The following MAST2 variants were observed in gnomAD, a reference collection of about 807,000 sequenced individuals.
MAST2 encodes microtubule-associated serine/threonine-protein kinase 2.
Under a neutral mutation model 147.4 loss-of-function variants are expected in MAST2, and 70 were observed. The observed-to-expected ratio is 0.47, with a 90% confidence interval of 0.39 to 0.58. The LOEUF (loss-of-function observed/expected upper bound fraction) is 0.58. MAST2 is among the 20% of genes least tolerant of loss of function. MAST2 has a pLI of 0.00. For synonymous variants in MAST2, 869 were observed against 896.8 expected, an observed-to-expected ratio of 0.97 and a Z score of 0.55; for missense variants, 2,080 against 2,302.3, an observed-to-expected ratio of 0.90 and a Z score of 1.98.
At chr1:45,960,118 G>A (rs1660205953) in intron 5 of MAST2, among the ~76,000 whole-genome samples, 3 of 152,126 alleles carry the variant, frequency 2.0e-5, no homozygotes, top group Admixed American at 6.6e-5. Flanking sequence ...TGGAATTAAA[G>A]CAAATGACCT....
intron 5 of MAST2, among the ~76,000 whole-genome samples, chr1:45,994,081 A>G (rs566740619): frequency 5.9e-5 from 9 of 152,252 alleles, no homozygotes; most frequent in African/African-American, 2.2e-4. Flanking sequence ...ACATGGATGT[A>G]TAACAATACA....
At position 45,886,907 on chromosome 1, in the gene MAST2, G is replaced by A. The variant is rs181774713; in HGVS notation, c.500+4512G>A. Among the ~76,000 whole-genome samples, 5 of 152,234 alleles carry A rather than the reference G, an allele frequency of 3.3e-5. No homozygotes were observed. In the East Asian group the frequency reaches 9.7e-4, roughly 29 times the overall value. On this transcript the variant is annotated intron_variant, in intron 4 of 28. Transcript: ENST00000361297. ...AGTGGCGCAGTCTCAGCTCACTGCA[G>A]CCTGGTCCTCCCTGGCCTCAGGAGA... is the stretch of plus-strand genomic sequence containing the variant.
chr1:45,913,798 A>G, intron 4 of MAST2: 2 of 1,159,664 alleles, frequency 1.7e-6, no homozygotes, highest in Non-Finnish European at 2.2e-6. Flanking sequence ...CCAAGACTCC[A>G]GTGTGAGGGC....
chr1:45,900,321 A>T lies in MAST2; in HGVS notation c.500+17926A>T, dbSNP rs146796161. Among the ~76,000 whole-genome samples the T allele has an allele frequency of 7.3e-3, 1,112 of 152,206 alleles. 15 individuals carry two copies. The highest frequency in any genetic ancestry group is 0.026 in the African/African-American group (1,062 of 41,518). ...TGAACTAATTTACATTCCCACCAACAGTATATAAGCATTCCCTTTTCTCTG... is the reference window on the plus strand; with the variant it reads ...TGAACTAATTTACATTCCCACCAACTGTATATAAGCATTCCCTTTTCTCTG... On this transcript the variant is annotated intron_variant, in intron 4 of 28. Transcript: ENST00000361297.
At chr1:46,004,326 T>A (rs1221196102) in intron 7 of MAST2, among the ~76,000 whole-genome samples, 3 of 140,446 alleles carry the variant, frequency 2.1e-5, no homozygotes, top group Non-Finnish European at 4.5e-5. Flanking sequence ...ATCACACCAC[T>A]GCACTCCAGC....
intron 4 of MAST2, among the ~76,000 whole-genome samples, chr1:45,900,822 C>T (rs912678990): frequency 2.0e-5 from 3 of 151,948 alleles, no homozygotes; most frequent in African/African-American, 4.8e-5. Context: ...TGTGTCTGTT[C>T]GTTTCTATTG....
chr1:46,032,179 ACAC>A lies in MAST2; in HGVS notation c.3193_3195del (p.His1065del), dbSNP rs1557516748. 3 of 1,613,788 alleles carry A rather than the reference ACAC, an allele frequency of 1.9e-6. No individual in the cohort carries two copies. The highest frequency in any genetic ancestry group is 1.7e-5 in the Admixed American group (1 of 59,998). ...AAGTCCTGGCTTCTCCTTCTCCAGAACACCACACCTGCTCCCCGTTGGCCAGCC... is the reference window on the plus strand; with the variant it reads ...AAGTCCTGGCTTCTCCTTCTCCAGAACACACCTGCTCCCCGTTGGCCAGCC... On this transcript the variant is annotated inframe_deletion and splice_region_variant, in exon 25 of 29. Coordinates refer to ENST00000361297, the MANE Select transcript of MAST2 (RefSeq NM_015112.3).
intron 5 of MAST2, among the ~76,000 whole-genome samples, chr1:45,978,673 G>A (rs1415117848): frequency 1.3e-5 from 2 of 152,120 alleles, no homozygotes; most frequent in Non-Finnish European, 2.9e-5. Flanking sequence ...CAACTATTTT[G>A]CAAAACAGCT....
At chr1:45,937,513 G>C (rs1656423058) in intron 4 of MAST2, among the ~76,000 whole-genome samples, 1 of 151,968 alleles carries the variant, frequency 6.6e-6, no homozygotes, top group Non-Finnish European at 1.5e-5. Context: ...ACTTTGGGAG[G>C]CCGAGGCAGG....
chr1:45,938,880 T>C (rs1027966213), intron 4 of MAST2, among the ~76,000 whole-genome samples: 2 of 152,188 alleles, frequency 1.3e-5, no homozygotes, highest in African/African-American at 4.8e-5. Flanking sequence ...TCAAATATTT[T>C]TGTTCATTTA....
At chr1:46,003,825 C>T (rs1427794264) in intron 7 of MAST2, among the ~76,000 whole-genome samples, 2 of 152,062 alleles carry the variant, frequency 1.3e-5, no homozygotes, top group African/African-American at 4.8e-5. Flanking sequence ...TGTAAAGAGC[C>T]CAACGTGGAG....
At position 45,855,338 on chromosome 1, in the gene MAST2, T is replaced by TC. The variant is rs921063893; in HGVS notation, c.468+25757_468+25758insC. ...TAAGTTTTGAGGAGAAATGGCTTTT[T>TC]TTTTCTATTTGATTCTTCTGACCCA... On this transcript the variant is annotated intron_variant, in intron 3 of 28. Coordinates refer to ENST00000361297, the MANE Select transcript of MAST2 (RefSeq NM_015112.3). Among the ~76,000 whole-genome samples, 6 of 151,824 alleles carry TC rather than the reference T, an allele frequency of 4.0e-5. No individual in the cohort carries two copies. The East Asian group carries it at 1.2e-3, about 29-fold the overall frequency.
chr1:45,808,334 G>A (rs1403785815), intron 1 of MAST2, among the ~76,000 whole-genome samples: 2 of 152,054 alleles, frequency 1.3e-5, no homozygotes. Flanking sequence ...AGGTTCAAGC[G>A]TTTCTCCTGT....
At chr1:45,921,382 C>T (rs1434144992) in intron 4 of MAST2, among the ~76,000 whole-genome samples, 2 of 152,170 alleles carry the variant, frequency 1.3e-5, no homozygotes, top group Non-Finnish European at 2.9e-5. Flanking sequence ...GCTGGTGACG[C>T]TTTTGCCTGA....
At chr1:45,899,849 TAAA>T (rs539129101) in intron 4 of MAST2, among the ~76,000 whole-genome samples, 7 of 151,566 alleles carry the variant, frequency 4.6e-5, no homozygotes, top group African/African-American at 1.7e-4. Context: ...GCTTTACAAT[TAAA>T]AAAAAATTTT....
chr1:46,032,495 CA>C (rs1646711830), intron 25 of MAST2, 91 bp downstream of exon 25: 1 of 1,595,426 alleles, frequency 6.3e-7, no homozygotes, highest in Non-Finnish European at 8.6e-7. Context: ...GCTCGGGGGT[CA>C]AAGGGTGGTG....
In MAST2 at chr1:45,855,947, TATC is replaced by T. The variant is rs561437191; in HGVS notation, c.468+26369_468+26371del. On this transcript the variant is annotated intron_variant, in intron 3 of 28. Transcript: ENST00000361297. The stretch of plus-strand genomic sequence containing the variant: ...TAGCAAATGCTAGTTTTACTCACCT[TATC>T]ATTACAGTTTCAGATCTTCGGCTTC... 2.7e-3 allele frequency among the ~76,000 whole-genome samples: 406 copies of T among 152,338 alleles called. 1 individual carries two copies. Among genetic ancestry groups the T allele is most frequent in the Admixed American group, 4.2e-3 (65 of 15,308 alleles).
At chr1:45,942,146 CTTTTT>C (rs35794621) in intron 4 of MAST2, among the ~76,000 whole-genome samples, 1 of 143,432 alleles carries the variant, frequency 7.0e-6, no homozygotes, top group Non-Finnish European at 1.5e-5. Context: ...TAGTGGGTTT[CTTTTT>C]TTTTTTTTTT....
intron 4 of MAST2, among the ~76,000 whole-genome samples, chr1:45,926,107 A>T (rs1654319695): frequency 6.6e-6 from 1 of 152,210 alleles, no homozygotes; most frequent in African/African-American, 2.4e-5. Flanking sequence ...CAAAAGAGGA[A>T]CATCTCCCAG....
Sources: allele counts gnomAD v4.1 joint callset (sites outside exome capture counted in the v4.1 genomes callset), GRCh38; gene constraint gnomAD v4.1.1; transcripts MANE v1.5; gene names NCBI Gene and HGNC (gene_info 2026-07-23, HGNC 2026-07-21).